The following TMX3 variants were observed in gnomAD, a reference collection of about 807,000 sequenced individuals.
The protein encoded by TMX3 is protein disulfide-isomerase TMX3.
TMX3 carries 40 observed loss-of-function variants against 64.4 expected under a neutral mutation model. The ratio of observed to expected loss-of-function variants is 0.62; its 90% CI spans 0.48 to 0.81. The LOEUF is 0.81. Among genes scored for constraint, TMX3 ranks in the 30% least tolerant of loss-of-function variants. TMX3 has a pLI of 0.00. For missense variants in TMX3, 497 were observed against 534.5 expected, an observed-to-expected ratio of 0.93 and a Z score of 0.69; for synonymous variants, 189 against 175.7, an observed-to-expected ratio of 1.08 and a Z score of -0.60.
intron 2 of TMX3, among the ~76,000 whole-genome samples, chr18:68,712,984 C>G (rs1235986355): frequency 1.4e-5 from 2 of 143,414 alleles, no homozygotes; most frequent in East Asian, 4.0e-4. Context: ...CTTACTGTGA[C>G]AGTGCAAGTC....
chr18:68,690,010 A>G (rs1914359042), intron 9 of TMX3: 1 of 152,132 alleles, frequency 6.6e-6, no homozygotes. Flanking sequence ...TTCAGCTCTC[A>G]CATTTATTTA....
chr18:68,703,429 C>T (rs1041834480), intron 4 of TMX3, among the ~76,000 whole-genome samples: 1 of 152,106 alleles, frequency 6.6e-6, no homozygotes, highest in African/African-American at 2.4e-5. Flanking sequence ...TGCTTCATAG[C>T]CTGATATTGT....
At chr18:68,713,324 G>T (rs2031482735) in intron 2 of TMX3, among the ~76,000 whole-genome samples, 1 of 152,168 alleles carries the variant, frequency 6.6e-6, no homozygotes. Context: ...AGCGTGGCTG[G>T]CCTGGGAGGC....
chr18:68,682,035 A>C (rs1366944404), intron 13 of TMX3, among the ~76,000 whole-genome samples: 1 of 152,082 alleles, frequency 6.6e-6, no homozygotes, highest in East Asian at 1.9e-4. Context: ...CTTCCACCTT[A>C]GTGTGCACTG....
chr18:68,704,984 C>T (rs1008528947), intron 4 of TMX3, among the ~76,000 whole-genome samples: 1 of 152,128 alleles, frequency 6.6e-6, no homozygotes, highest in African/African-American at 2.4e-5. Flanking sequence ...CCTCTAAAGT[C>T]CTTTTTAGCT....
chr18:68,694,061 C>G (rs2145064180), intron 8 of TMX3, among the ~76,000 whole-genome samples: 1 of 152,282 alleles, frequency 6.6e-6, no homozygotes, highest in South Asian at 2.1e-4. Flanking sequence ...CTCCACCTTG[C>G]TCATCCTCCA....
At chr18:68,705,480 T>C (rs1012378096) in intron 4 of TMX3, among the ~76,000 whole-genome samples, 1 of 152,200 alleles carries the variant, frequency 6.6e-6, no homozygotes, top group African/African-American at 2.4e-5. Context: ...GTCAGAATGT[T>C]ATTGGCCAAA....
At chr18:68,680,582 C>A (rs891949982) in intron 14 of TMX3, among the ~76,000 whole-genome samples, 1 of 152,094 alleles carries the variant, frequency 6.6e-6, no homozygotes, top group Non-Finnish European at 1.5e-5. Flanking sequence ...CCAATCCTAA[C>A]GACTTAATCC....
intron 7 of TMX3, chr18:68,697,730 T>G (rs1915235403): frequency 2.0e-6 from 1 of 492,270 alleles, no homozygotes; most frequent in African/African-American, 2.0e-5. Context: ...ATTTACTCAC[T>G]TTTTACACAC....
chr18:68,684,242 A>G lies in TMX3; in HGVS notation c.796T>C (p.Leu266=). 1.2e-6 allele frequency: 2 copies of G among 1,611,268 alleles called. No homozygotes were observed. Among genetic ancestry groups the G allele is most frequent in the Non-Finnish European group, 1.7e-6 (2 of 1,177,952 alleles). ...EKNTSVEHTR[L]KSIIQEVARD... The stretch of plus-strand genomic sequence containing the variant: ...GCAACTTCCTGAATAATTGACTTCA[A>G]TCTGTAGAAGAACAAACATATGAAT... The change falls in exon 12 of 16, where the codon TTG becomes CTG. Residue 266 remains leucine (L), a splice_region_variant and synonymous_variant. Transcript: ENST00000299608.
chr18:68,685,715 ACAC>A (rs944914750), intron 10 of TMX3, among the ~76,000 whole-genome samples: 4 of 152,214 alleles, frequency 2.6e-5, no homozygotes, highest in Non-Finnish European at 5.9e-5. Context: ...TGAAAGCACA[ACAC>A]AATAGAACTG....
At chr18:68,687,584 ATTC>A (rs1938090238) in intron 10 of TMX3, 80 bp downstream of exon 10, 4 of 1,534,234 alleles carry the variant, frequency 2.6e-6, no homozygotes, top group Non-Finnish European at 8.7e-7. Context: ...TAGAGCTTAA[ATTC>A]ATTTCCTACA....
rs1440843730 is a variant in TMX3, at chr18:68,675,535, C to T, written c.*1398G>A. On this transcript the variant is annotated 3_prime_UTR_variant, in exon 16 of 16. Transcript: ENST00000299608. ...CCTTGATGACTAAATCCCTAAACAACGTCAGTGTCCAGACCATGAATTACA... is the reference window on the plus strand; with the variant it reads ...CCTTGATGACTAAATCCCTAAACAATGTCAGTGTCCAGACCATGAATTACA... 2 of 152,198 alleles carry T rather than the reference C, an allele frequency of 1.3e-5. No individual in the cohort carries two copies. Among genetic ancestry groups the T allele is most frequent in the African/African-American group, 4.8e-5 (2 of 41,520 alleles). 9.4% of individuals were successfully genotyped at this position (152,198 alleles called of 1,614,324 possible).
At chr18:68,692,736 T>C (rs1914644614) in intron 8 of TMX3, among the ~76,000 whole-genome samples, 1 of 152,196 alleles carries the variant, frequency 6.6e-6, no homozygotes, top group Non-Finnish European at 1.5e-5. Context: ...ATTACTATTT[T>C]CAGGAATAAA....
In TMX3 at chr18:68,684,442, T is replaced by A. The variant is rs1913749058; in HGVS notation, c.780A>T (p.Ser260=). 1 of 1,612,896 alleles carries A rather than the reference T, an allele frequency of 6.2e-7. No homozygotes were observed. The highest frequency in any genetic ancestry group is 8.5e-7 in the Non-Finnish European group (1 of 1,179,532). ...ALAVIDEKNT[S]VEHTRLKSII... is the part of the protein sequence containing the mutation. Reference sequence around the variant, plus strand: ...AGGCATTATACCTGGTATGTTCAACTGATGTATTTTTCTCATCAATAACTG... The same window carrying A: ...AGGCATTATACCTGGTATGTTCAACAGATGTATTTTTCTCATCAATAACTG... Residue 260 remains serine (S), a synonymous_variant, in exon 11 of 16, where the codon TCA becomes TCT. Coordinates refer to ENST00000299608, the MANE Select transcript of TMX3 (RefSeq NM_019022.5).
intron 4 of TMX3, 31 bp from the exon 5 acceptor site, chr18:68,701,821 A>T (rs747724100): frequency 1.3e-6 from 2 of 1,592,620 alleles, no homozygotes; most frequent in South Asian, 1.1e-5. Flanking sequence ...AGCATTCTAA[A>T]TTTTTTTTAA....
rs765693450 is a variant in TMX3 at position 68,684,158 on chromosome 18, A to G, written c.848+32T>C. ...AATTACAAAATGGTATTAAACAAAA[A>G]TAAAGGAATCTCTCAGAATATAAGC... On this transcript the variant is annotated intron_variant, in intron 12 of 15. Transcript: ENST00000299608. 13 of 1,534,192 alleles carry G rather than the reference A, an allele frequency of 8.5e-6. 1 individual carries two copies. Among genetic ancestry groups the G allele is most frequent in the Middle Eastern group, 1.7e-4 (1 of 5,726 alleles).
At chr18:68,688,500 A>G (rs1599307866) in intron 9 of TMX3, 1 of 152,200 alleles carries the variant, frequency 6.6e-6, no homozygotes, top group Non-Finnish European at 1.5e-5. Flanking sequence ...AATTGCATAA[A>G]AAAGGTGGTG....
Position 68,680,960 on chromosome 18 carries a change from A to T in TMX3, c.1035+21T>A, listed in dbSNP as rs754624426. ...CTACCCCCTGTCCATCATCTCTTTG[A>T]AACAGAAGTGAACAACTTACTTCTA... On this transcript the variant is annotated intron_variant, in intron 14 of 15. Coordinates refer to ENST00000299608, the MANE Select transcript of TMX3 (RefSeq NM_019022.5). 7 of 1,558,108 alleles carry T rather than the reference A, an allele frequency of 4.5e-6. No homozygotes were observed. In the Admixed American group the frequency reaches 1.3e-4, roughly 30 times the overall value.
Sources: allele counts gnomAD v4.1 joint callset (sites outside exome capture counted in the v4.1 genomes callset), GRCh38; gene constraint gnomAD v4.1.1; transcripts MANE v1.5; gene names NCBI Gene and HGNC (gene_info 2026-07-23, HGNC 2026-07-21).